Variants in DDB1 observed in about 807,000 individuals in gnomAD.
The protein encoded by DDB1 is DNA damage-binding protein 1.
DDB1 carries 18 observed loss-of-function variants against 133.1 expected under a neutral mutation model. That is an observed-to-expected ratio of 0.14 (90% CI 0.09 to 0.20). DDB1 has a LOEUF of 0.20. DDB1 is among the 10% of genes least tolerant of loss of function. DDB1 has a pLI of 1.00. For missense variants in DDB1, 828 were observed against 1,459.2 expected (o/e 0.57, Z 7.05); for synonymous variants, 580 against 550.5 (o/e 1.05, Z -0.75).
In DDB1 at chr11:61,330,034, T is replaced by C. The variant is rs1473753399; in HGVS notation, c.251A>G (p.Tyr84Cys). 1 of 1,613,798 alleles carries C rather than the reference T, an allele frequency of 6.2e-7. No homozygotes were observed. Among genetic ancestry groups the C allele is most frequent in the African/African-American group, 1.3e-5 (1 of 74,926 alleles). ...TTTATACTCCAGGATGCAGGCATTG[T>C]ACTTCGCTGTCAAGATAAACAGCAG... ...KDLLFILTAK[Y>C]NACILEYKQS... The change falls in exon 3 of 27, where the codon TAC (tyrosine) becomes TGC (cysteine). Residue 84 changes from tyrosine to cysteine, a missense_variant. This residue lies in a region of DDB1 where 210 missense variants were observed against 344.8 expected (regional missense o/e 0.61). Coordinates refer to ENST00000301764, the MANE Select transcript of DDB1 (RefSeq NM_001923.5).
chr11:61,331,122 C>T (rs999284623), intron 2 of DDB1, among the ~76,000 whole-genome samples: 8 of 152,164 alleles, frequency 5.3e-5, no homozygotes, highest in African/African-American at 1.9e-4. Flanking sequence ...CACTCTGTAG[C>T]CTATCCTCTG....
intron 18 of DDB1, 43 bp from the exon 19 acceptor site, chr11:61,310,461 A>G: frequency 1.3e-6 from 2 of 1,552,118 alleles, no homozygotes; most frequent in Non-Finnish European, 1.7e-6. Context: ...CAAACACAGA[A>G]GAAGTGCTGA....
rs763164079 is a variant in DDB1 at position 61,313,658 on chromosome 11, A to G, written c.1910T>C (p.Val637Ala). ...AGAAAGAGAACGAAAAGTCCTCAAT[A>G]CGGTGGGCTGGGTGCCCAAAGTCAC... ...KKVTLGTQPTVLRTFRSLSTT... is the reference protein window; with the variant it reads ...KKVTLGTQPTALRTFRSLSTT... Residue 637 changes from valine to alanine, a missense_variant, in exon 16 of 27, where the codon GTA (valine) becomes GCA (alanine). Val to Ala is a moderately conservative substitution (Grantham distance 64). Transcript: ENST00000301764. 3 of 1,614,032 alleles carry G rather than the reference A, an allele frequency of 1.9e-6. No individual in the cohort carries two copies. The highest frequency in any genetic ancestry group is 8.5e-7 in the Non-Finnish European group (1 of 1,179,962).
Position 61,333,073 on chromosome 11 carries a change from C to T in DDB1, c.-105G>A, listed in dbSNP as rs878857849. 5 of 1,078,686 alleles carry T rather than the reference C, an allele frequency of 4.6e-6. No individual in the cohort carries two copies. The highest frequency in any genetic ancestry group is 6.3e-6 in the Non-Finnish European group (5 of 787,920). The allele number at this position is 1,078,686 out of a possible 1,614,324, so 66.8% of individuals were successfully genotyped here. ...AACAGCGCGCAGCGAACTCCACTGCCGCTGCCTCCGCCCCAGAGACACGTT... is the reference window on the plus strand; with the variant it reads ...AACAGCGCGCAGCGAACTCCACTGCTGCTGCCTCCGCCCCAGAGACACGTT... On this transcript the variant is annotated 5_prime_UTR_variant, in exon 1 of 27. Transcript: ENST00000301764.
At chr11:61,309,409 C>T (rs912757315) in intron 20 of DDB1, among the ~76,000 whole-genome samples, 11 of 152,094 alleles carry the variant, frequency 7.2e-5, no homozygotes, top group African/African-American at 2.4e-4. Context: ...GTGGGTGTAA[C>T]GAGAAAAGAT....
chr11:61,325,932 TGTTC>T (rs1295719544), intron 5 of DDB1: 4 of 610,788 alleles, frequency 6.5e-6, no homozygotes, highest in Non-Finnish European at 1.2e-5. Context: ...ACTCTTCTGG[TGTTC>T]GACTATTCCT....
intron 3 of DDB1, 61 bp from the exon 4 acceptor site, chr11:61,329,645 T>G (rs922543749): frequency 2.4e-5 from 36 of 1,491,138 alleles, no homozygotes; most frequent in Non-Finnish European, 3.1e-5. Flanking sequence ...CAGAGGACGC[T>G]GGGCACCACT....
At chr11:61,321,795 A>C in intron 9 of DDB1, 98 bp from the exon 10 acceptor site, 1 of 1,051,666 alleles carries the variant, frequency 9.5e-7, no homozygotes, top group Non-Finnish European at 1.5e-6. Context: ...AAATCCAAGA[A>C]CCTTTATTGT....
intron 21 of DDB1, among the ~76,000 whole-genome samples, chr11:61,307,305 G>A (rs1236406648): frequency 2.6e-5 from 4 of 152,184 alleles, no homozygotes; most frequent in Admixed American, 6.5e-5. Context: ...CCGCTGAGGC[G>A]ACTGCAATCA....
In DDB1 at chr11:61,321,623, A is replaced by G; in HGVS notation, c.1197T>C (p.His399=). 6.2e-7 allele frequency: 1 copy of G among 1,614,168 alleles called. No individual in the cohort carries two copies. The highest frequency in any genetic ancestry group is 2.2e-5 in the East Asian group (1 of 44,878). The change falls in exon 10 of 27, where the codon CAT becomes CAC. Residue 399 remains histidine (H), a synonymous_variant. Transcript: ENST00000301764. ...IIRNGIGIHE[H]ASIDLPGIKG... ...TGATGCCTGGTAAGTCAATGCTGGC[A>G]TGCTCGTGGATTCCAATTCCATTCC...
intron 26 of DDB1, 43 bp downstream of exon 26, chr11:61,300,766 C>T (rs370111700): frequency 6.3e-5 from 101 of 1,611,212 alleles, no homozygotes; most frequent in Non-Finnish European, 8.2e-5. Flanking sequence ...CCCCAACCTG[C>T]AGTGGACTTG....
intron 10 of DDB1, among the ~76,000 whole-genome samples, chr11:61,320,228 TC>T (rs1261397908): frequency 1.3e-4 from 19 of 151,522 alleles, no homozygotes; most frequent in African/African-American, 4.6e-4. Flanking sequence ...TGAGATGGAG[TC>T]TCACTATGTG....
chr11:61,322,173 G>A (rs1856191437), intron 9 of DDB1, 123 bp downstream of exon 9: 1 of 779,762 alleles, frequency 1.3e-6, no homozygotes, highest in Non-Finnish European at 2.2e-6. Context: ...TATATCACTG[G>A]GATTCATGAG....
intron 23 of DDB1, 40 bp from the exon 24 acceptor site, chr11:61,302,791 T>G (rs375332335): frequency 3.7e-6 from 6 of 1,612,336 alleles, no homozygotes; most frequent in South Asian, 1.1e-5. Context: ...AACCTCCTGT[T>G]TCCACCACAG....
At chr11:61,300,356 G>T in intron 26 of DDB1, 137 bp from the exon 27 acceptor site, 1 of 858,786 alleles carries the variant, frequency 1.2e-6, no homozygotes, top group Non-Finnish European at 1.9e-6. Context: ...AGAAACCCAC[G>T]CCTCCCCCTG....
rs1031831708 is a variant in DDB1, at chr11:61,326,705, G to C, written c.664+74C>G. The C allele has an allele frequency of 5.1e-6, 6 of 1,173,786 alleles. No individual in the cohort carries two copies. The African/African-American group carries it at 9.0e-5, about 18-fold the overall frequency. 72.7% of individuals were successfully genotyped at this position (1,173,786 alleles called of 1,614,324 possible). On this transcript the variant is annotated intron_variant, in intron 5 of 26. Transcript: ENST00000301764. ...GAGCGCCAAAACGAAGGGCAGAGAA[G>C]GTGAGGGAGCGAACAAGAACAGGGA... is the stretch of plus-strand genomic sequence containing the variant.
chr11:61,323,465 T>C, intron 7 of DDB1: 1 of 278,248 alleles, frequency 3.6e-6, no homozygotes, highest in Non-Finnish European at 7.0e-6. Flanking sequence ...TGGAGTGCAG[T>C]GGTACCACCA....
intron 2 of DDB1, among the ~76,000 whole-genome samples, chr11:61,331,256 G>C (rs1430188396): frequency 1.3e-5 from 2 of 151,994 alleles, no homozygotes; most frequent in Non-Finnish European, 2.9e-5. Flanking sequence ...GCTATCCAAA[G>C]AGAGAAAAAA....
intron 18 of DDB1, 105 bp downstream of exon 18, chr11:61,311,679 T>G: frequency 2.0e-6 from 2 of 992,964 alleles, no homozygotes; most frequent in Non-Finnish European, 2.9e-6. Flanking sequence ...CAGTGGTAAC[T>G]GAGACCACAC....
Sources: gnomAD v4.1 joint callset for allele counts (sites outside exome capture counted in the v4.1 genomes callset) on GRCh38, gnomAD v4.1.1 for gene constraint, gnomAD v4.1.1 regional missense constraint, MANE v1.5 for transcripts, NCBI Gene and HGNC (gene_info 2026-07-23, HGNC 2026-07-21) for gene names.